MYO16: variants seen among roughly 807,000 people sequenced by gnomAD.
MYO16 encodes unconventional myosin-XVI.
A neutral mutation model predicts 205.3 loss-of-function variants in MYO16; 94 were observed. That is an observed-to-expected ratio of 0.46 (90% CI 0.39 to 0.54). The LOEUF (loss-of-function observed/expected upper bound fraction) is 0.54. MYO16 is among the 20% of genes least tolerant of loss of function. The pLI is 0.00. For synonymous variants in MYO16, 988 were observed against 954.0 expected, an observed-to-expected ratio of 1.04 and a Z score of -0.66; for missense variants, 2,315 against 2,387.5, an observed-to-expected ratio of 0.97 and a Z score of 0.63.
chr13:108,603,978 T>C (rs1878859763), intron 1 of MYO16, among the ~76,000 whole-genome samples: 1 of 152,132 alleles, frequency 6.6e-6, no homozygotes, highest in African/African-American at 2.4e-5. Flanking sequence ...ACAGTTCTGC[T>C]TGGCTAGGGA....
chr13:108,547,737 A>T, the MYO16 span, among the ~76,000 whole-genome samples: 1 of 152,240 alleles, frequency 6.6e-6, no homozygotes, highest in Non-Finnish European at 1.5e-5. Flanking sequence ...ATCGCCATAG[A>T]AATGCCAAGT....
rs1888568615 is a variant in MYO16 at position 109,090,046 on chromosome 13, AT to A, written c.3336-10738del. Among the ~76,000 whole-genome samples the A allele has an allele frequency of 2.0e-5, 3 of 152,338 alleles. No homozygotes were observed. In the South Asian group the frequency reaches 6.2e-4, roughly 32 times the overall value. ...GTTTGCAGCAATGTGAAGTGTCACAATGTCTTCGTTTGAGTGGTGCATTTGT... is the reference window on the plus strand; with the variant it reads ...GTTTGCAGCAATGTGAAGTGTCACAAGTCTTCGTTTGAGTGGTGCATTTGT... On this transcript the variant is annotated intron_variant, in intron 27 of 34. Transcript: ENST00000457511.
intron 7 of MYO16, among the ~76,000 whole-genome samples, chr13:108,809,664 A>G (rs1225347786): frequency 6.6e-6 from 1 of 152,176 alleles, no homozygotes; most frequent in Non-Finnish European, 1.5e-5. Context: ...CATCTGCCCC[A>G]TGACCCAATC....
chr13:109,023,463 A>G (rs1248227736), intron 23 of MYO16, among the ~76,000 whole-genome samples: 1 of 105,164 alleles, frequency 9.5e-6, no homozygotes, highest in Non-Finnish European at 1.7e-5. Flanking sequence ...ATATATTTAT[A>G]TATTATACAG....
intron 27 of MYO16, among the ~76,000 whole-genome samples, chr13:109,075,743 T>A (rs1272085467): frequency 6.6e-6 from 1 of 152,190 alleles, no homozygotes; most frequent in Non-Finnish European, 1.5e-5. Context: ...TCAGGTATGT[T>A]GCATAAATAG....
At chr13:109,048,767 T>A (rs1208351689) in intron 24 of MYO16, 2 of 153,370 alleles carry the variant, frequency 1.3e-5, no homozygotes, top group African/African-American at 4.8e-5. Context: ...CTAATTCAAT[T>A]TTCGTAGCAT....
intron 12 of MYO16, among the ~76,000 whole-genome samples, chr13:108,871,559 A>AT (rs1594359213): frequency 6.6e-6 from 1 of 152,004 alleles, no homozygotes; most frequent in Non-Finnish European, 1.5e-5. Flanking sequence ...GTCTCGTTTA[A>AT]TTTTTTTATT....
intron 16 of MYO16, among the ~76,000 whole-genome samples, chr13:108,939,022 A>G (rs1354522496): frequency 6.6e-6 from 1 of 152,184 alleles, no homozygotes; most frequent in Non-Finnish European, 1.5e-5. Context: ...CAAAGCATCT[A>G]CTGCTGAGGT....
chr13:109,140,403 G>A lies in MYO16; in HGVS notation c.4191G>A (p.Arg1397=). The change falls in exon 32 of 35, where the codon AGG becomes AGA. Residue 1397 remains arginine, a synonymous_variant. Coordinates refer to ENST00000457511, the MANE Select transcript of MYO16 (RefSeq NM_001198950.3). This position sits in a 1 kb window ranked among gnomAD's most constrained non-coding sequence, Gnocchi z 8.0. ...EISGSRPGDA[R]PAGAPGAAAR... ...CGGGGTCCCGGCCCGGGGACGCGAG[G>A]CCCGCGGGCGCCCCGGGGGCAGCAG... is the stretch of plus-strand genomic sequence containing the variant. 6.3e-7 allele frequency: 1 copy of A among 1,586,060 alleles called. No homozygotes were observed. Among genetic ancestry groups the A allele is most frequent in the African/African-American group, 1.4e-5 (1 of 73,486 alleles).
chr13:108,607,283 GTGGAATCATA>G (rs1325110640), intron 1 of MYO16, among the ~76,000 whole-genome samples: 2 of 152,128 alleles, frequency 1.3e-5, no homozygotes. Flanking sequence ...GGAGCCAGGA[GTGGAATCATA>G]TGGTCTGGCT....
At position 109,140,907 on chromosome 13, in the gene MYO16, C is replaced by G. The variant is rs757556142; in HGVS notation, c.4695C>G (p.Ser1565=). The part of the protein sequence containing the change: ...EGSSPLSPQY[S]KSQKGDGDRP... ...CGAGCCCGCTGTCCCCGCAGTACTC[C>G]AAGAGCCAGAAGGGCGACGGCGACA... Residue 1565 remains serine, a synonymous_variant, in exon 32 of 35, where the codon TCC becomes TCG. Coordinates refer to ENST00000457511, the MANE Select transcript of MYO16 (RefSeq NM_001198950.3). The surrounding 1 kb of genome is among the most constrained non-coding windows in gnomAD (Gnocchi z 8.0). 1.9e-6 allele frequency: 3 copies of G among 1,581,260 alleles called. No homozygotes were observed. Among genetic ancestry groups the G allele is most frequent in the South Asian group, 2.3e-5 (2 of 87,554 alleles).
At chr13:108,824,955 T>C (rs1876174441) in intron 9 of MYO16, among the ~76,000 whole-genome samples, 1 of 152,064 alleles carries the variant, frequency 6.6e-6, no homozygotes, top group Non-Finnish European at 1.5e-5. Context: ...TCCACATGGC[T>C]TCGAGGCTGA....
intron 34 of MYO16, among the ~76,000 whole-genome samples, chr13:109,203,751 C>T (rs529053939): frequency 3.9e-4 from 60 of 152,274 alleles, no homozygotes; most frequent in African/African-American, 1.4e-3. Flanking sequence ...TGCTAGAGGC[C>T]ATCATCACCC....
intron 24 of MYO16, among the ~76,000 whole-genome samples, chr13:109,047,623 C>T (rs1307548129): frequency 1.3e-5 from 2 of 151,762 alleles, no homozygotes; most frequent in African/African-American, 4.8e-5. Context: ...ATAATTCTGC[C>T]TCTAGTAATT....
At chr13:109,024,496 A>G (rs1277348524) in intron 23 of MYO16, among the ~76,000 whole-genome samples, 1 of 152,142 alleles carries the variant, frequency 6.6e-6, no homozygotes, top group Admixed American at 6.5e-5. Flanking sequence ...TTGTACATTC[A>G]CTTAAAATTT....
intron 16 of MYO16, among the ~76,000 whole-genome samples, chr13:108,949,582 T>G (rs1206859646): frequency 6.6e-6 from 1 of 152,108 alleles, no homozygotes; most frequent in Non-Finnish European, 1.5e-5. Flanking sequence ...TTCAATATAG[T>G]AAAAATGCCA....
At chr13:108,878,375 G>A (rs1017481258) in intron 12 of MYO16, among the ~76,000 whole-genome samples, 5 of 152,138 alleles carry the variant, frequency 3.3e-5, no homozygotes, top group African/African-American at 9.7e-5. Flanking sequence ...AGTTCAGCTA[G>A]GGATGGTTGG....
chr13:108,621,013 T>C (rs1184791283), intron 1 of MYO16, among the ~76,000 whole-genome samples: 2 of 152,096 alleles, frequency 1.3e-5, no homozygotes, highest in East Asian at 3.9e-4. Flanking sequence ...TTGCCAAACA[T>C]TTCTGTTTAT....
chr13:109,047,239 C>T (rs55640527), intron 24 of MYO16, among the ~76,000 whole-genome samples: 5,333 of 152,158 alleles, frequency 0.035, 134 homozygotes, highest in South Asian at 0.057. Context: ...GTAAAATACC[C>T]TTACTACTTT....
Sources: allele counts gnomAD v4.1 joint callset (sites outside exome capture counted in the v4.1 genomes callset), GRCh38; gene constraint gnomAD v4.1.1; non-coding constraint Gnocchi (gnomAD v3.1); transcripts MANE v1.5; gene names NCBI Gene and HGNC (gene_info 2026-07-23, HGNC 2026-07-21).